Variants in GAB2 observed in about 807,000 individuals in gnomAD.
The protein encoded by GAB2 is GRB2-associated-binding protein 2.
In GAB2, 26 loss-of-function variants were observed where a neutral mutation model predicts 65.5. The observed-to-expected ratio is 0.40, with a 90% CI of 0.29 to 0.55. The LOEUF (loss-of-function observed/expected upper bound fraction) is 0.55. Among genes scored for constraint, GAB2 ranks in the 20% least tolerant of loss-of-function variants. The probability of loss-of-function intolerance (pLI) is 0.53; values close to 1 mark genes in which losing one functional copy is unlikely to be tolerated. For synonymous variants in GAB2, 321 were observed against 329.6 expected, an observed-to-expected ratio of 0.97 and a Z score of 0.28; for missense variants, 884 against 875.8, an observed-to-expected ratio of 1.01 and a Z score of -0.12.
At chr11:78,232,915 A>G (rs1864884687) in intron 3 of GAB2, among the ~76,000 whole-genome samples, 1 of 152,212 alleles carries the variant, frequency 6.6e-6, no homozygotes, top group African/African-American at 2.4e-5. Context: ...ACCTAATGTA[A>G]AAGTGCTTTG....
intron 1 of GAB2, among the ~76,000 whole-genome samples, chr11:78,327,357 GT>G (rs936074624): frequency 2.0e-5 from 3 of 152,182 alleles, no homozygotes; most frequent in Non-Finnish European, 4.4e-5. Context: ...GCTGGGAATG[GT>G]TGTGGGAGGA....
At chr11:78,221,418 C>G (rs1864418422) in intron 8 of GAB2, among the ~76,000 whole-genome samples, 1 of 152,228 alleles carries the variant, frequency 6.6e-6, no homozygotes, top group Admixed American at 6.5e-5. Flanking sequence ...ACCCATGTCA[C>G]TGTCATGAGA....
chr11:78,322,692 C>G (rs865909837), intron 1 of GAB2, among the ~76,000 whole-genome samples: 1 of 150,456 alleles, frequency 6.6e-6, no homozygotes, highest in African/African-American at 2.4e-5. Context: ...AATGGGCCAA[C>G]AAACATTTTT....
At chr11:78,398,646 A>T (rs1174054957) in intron 1 of GAB2, among the ~76,000 whole-genome samples, 1 of 149,462 alleles carries the variant, frequency 6.7e-6, no homozygotes, top group Non-Finnish European at 1.5e-5. Context: ...TAAAAAAAAT[A>T]AAGTGATAAC....
rs575058133 is a variant in GAB2, at chr11:78,393,266, C to G, written c.75+24380G>C. On this transcript the variant is annotated intron_variant, in intron 1 of 9. Transcript: ENST00000361507. ...GTCAGGTCAATCTTTTCCCTCCCTA[C>G]TGCTGGAGATTCCCCCGCTCTAGTT... Among the ~76,000 whole-genome samples the G allele has an allele frequency of 9.2e-5, 14 of 152,344 alleles. No homozygotes were observed. The South Asian group carries it at 2.7e-3, about 29-fold the overall frequency.
At chr11:78,342,552 G>A (rs1011477896) in intron 1 of GAB2, among the ~76,000 whole-genome samples, 1 of 152,028 alleles carries the variant, frequency 6.6e-6, no homozygotes, top group African/African-American at 2.4e-5. Context: ...GGGACTACAG[G>A]TGCCCGCCAG....
intron 1 of GAB2, among the ~76,000 whole-genome samples, chr11:78,326,569 T>G (rs1855826091): frequency 6.6e-6 from 1 of 152,226 alleles, no homozygotes; most frequent in South Asian, 2.1e-4. Flanking sequence ...AAATTGTTAC[T>G]TCAAATTATT....
chr11:78,321,660 C>G lies in GAB2; in HGVS notation c.76-40759G>C, dbSNP rs181166187. 5.1e-4 allele frequency among the ~76,000 whole-genome samples: 77 copies of G among 152,240 alleles called. No individual in the cohort carries two copies. The East Asian group carries it at 0.012, about 23-fold the overall frequency. On this transcript the variant is annotated intron_variant, in intron 1 of 9. Transcript: ENST00000361507. The stretch of plus-strand genomic sequence containing the variant: ...TTAACAAAAGTTCAGTTTTGGGAAA[C>G]TTTTGAAAAGTACTCTACTTGCATT...
At chr11:78,335,120 C>T (rs1362892275) in intron 1 of GAB2, among the ~76,000 whole-genome samples, 2 of 152,136 alleles carry the variant, frequency 1.3e-5, no homozygotes, top group African/African-American at 4.8e-5. Context: ...TGTTTGAACT[C>T]CTTATATTTT....
chr11:78,394,239 G>A (rs1055824143), intron 1 of GAB2, among the ~76,000 whole-genome samples: 5 of 152,184 alleles, frequency 3.3e-5, no homozygotes, highest in Admixed American at 2.6e-4. Flanking sequence ...AGTTAGCCGA[G>A]ATCGTGCCAC....
intron 1 of GAB2, among the ~76,000 whole-genome samples, chr11:78,394,889 G>T (rs776057852): frequency 3.3e-5 from 5 of 152,186 alleles, no homozygotes; most frequent in Non-Finnish European, 7.3e-5. Flanking sequence ...CGGTGAGGAA[G>T]CCCACCCTCC....
intron 2 of GAB2, among the ~76,000 whole-genome samples, chr11:78,256,847 G>T (rs1165412349): frequency 6.6e-6 from 1 of 152,090 alleles, no homozygotes; most frequent in Non-Finnish European, 1.5e-5. Flanking sequence ...TGTGTGGCTG[G>T]GGTGTTTTTG....
chr11:78,349,288 G>A (rs1260763917), intron 1 of GAB2, among the ~76,000 whole-genome samples: 2 of 152,198 alleles, frequency 1.3e-5, no homozygotes, highest in African/African-American at 4.8e-5. Flanking sequence ...GGGAAAACAG[G>A]AAGCTGTATA....
At chr11:78,410,968 G>A (rs1030984551) in intron 1 of GAB2, among the ~76,000 whole-genome samples, 18 of 151,558 alleles carry the variant, frequency 1.2e-4, no homozygotes, top group African/African-American at 4.4e-4. Flanking sequence ...GGGCAACGCA[G>A]GGAGACCCTG....
At chr11:78,244,948 G>A (rs1012300190) in intron 3 of GAB2, among the ~76,000 whole-genome samples, 7 of 152,200 alleles carry the variant, frequency 4.6e-5, no homozygotes, top group African/African-American at 1.2e-4. Flanking sequence ...TATATCTGAA[G>A]GAAAGGAAAT....
chr11:78,313,539 G>A (rs1034486092), intron 1 of GAB2, among the ~76,000 whole-genome samples: 1 of 152,146 alleles, frequency 6.6e-6, no homozygotes, highest in Non-Finnish European at 1.5e-5. Context: ...GGGATCATGT[G>A]CAAGACCCAC....
intron 1 of GAB2, among the ~76,000 whole-genome samples, chr11:78,388,538 G>A (rs1011571724): frequency 6.6e-6 from 1 of 151,622 alleles, no homozygotes; most frequent in Admixed American, 6.6e-5. Flanking sequence ...ATGTTGTCTA[G>A]GCTGATCTCG....
chr11:78,248,719 A>G (rs1295396642), intron 3 of GAB2, among the ~76,000 whole-genome samples: 1 of 152,236 alleles, frequency 6.6e-6, no homozygotes, highest in African/African-American at 2.4e-5. Flanking sequence ...TTCTGAAGAT[A>G]AGAATATTGA....
At chr11:78,401,792 G>A (rs1856976955) in intron 1 of GAB2, among the ~76,000 whole-genome samples, 1 of 152,162 alleles carries the variant, frequency 6.6e-6, no homozygotes, top group Non-Finnish European at 1.5e-5. Flanking sequence ...CAAATGAGAA[G>A]TTCTGATCCA....
Sources: gnomAD v4.1 joint callset for allele counts (sites outside exome capture counted in the v4.1 genomes callset) on GRCh38, gnomAD v4.1.1 for gene constraint, MANE v1.5 for transcripts, NCBI Gene and HGNC (gene_info 2026-07-23, HGNC 2026-07-21) for gene names.